PBXIP1: variants seen among roughly 807,000 people sequenced by gnomAD.
The protein encoded by PBXIP1 is pre-B-cell leukemia transcription factor-interacting protein 1.
PBXIP1 carries 73 observed loss-of-function variants against 73.7 expected under a neutral mutation model. That is an observed-to-expected ratio of 0.99 (90% CI 0.82 to 1.20). PBXIP1 has a LOEUF of 1.20. PBXIP1 is among the 50% of genes most tolerant of loss of function. The probability of loss-of-function intolerance (pLI) is 0.00; values close to 1 mark genes in which losing one functional copy is unlikely to be tolerated. For synonymous variants in PBXIP1, 330 were observed against 366.9 expected (o/e 0.90, Z 1.15); for missense variants, 818 against 911.4 (o/e 0.90, Z 1.32).
intron 2 of PBXIP1, among the ~76,000 whole-genome samples, chr1:154,952,548 C>T (rs1481436792): frequency 6.6e-6 from 1 of 152,210 alleles, no homozygotes; most frequent in Non-Finnish European, 1.5e-5. Flanking sequence ...ACTCCCCTTC[C>T]ATAGGGCCCT....
chr1:154,945,502 T>C (rs1008885420), intron 10 of PBXIP1, 70 bp downstream of exon 10: 13 of 1,468,724 alleles, frequency 8.9e-6, no homozygotes, highest in Middle Eastern at 2.0e-4. Context: ...CTCAAACTAA[T>C]GATCCTTGCT....
chr1:154,948,746 G>GTC (rs1403692051), intron 5 of PBXIP1, among the ~76,000 whole-genome samples: 1 of 151,938 alleles, frequency 6.6e-6, no homozygotes, highest in Admixed American at 6.6e-5. Context: ...AAAGTCAGTG[G>GTC]TCTCCCTGGC....
At chr1:154,953,286 G>A (rs1266725590) in intron 2 of PBXIP1, among the ~76,000 whole-genome samples, 2 of 152,128 alleles carry the variant, frequency 1.3e-5, no homozygotes, top group Non-Finnish European at 2.9e-5. Context: ...GGGGTTCCCA[G>A]GCTCTGTCCC....
Position 154,954,037 on chromosome 1 carries a change from G to A in PBXIP1, c.-36-280C>T, listed in dbSNP as rs144209682. 9.2e-3 allele frequency among the ~76,000 whole-genome samples: 1,394 copies of A among 152,320 alleles called. 14 individuals are homozygous for A. The highest frequency in any genetic ancestry group is 0.031 in the African/African-American group (1,293 of 41,566). On this transcript the variant is annotated intron_variant, in intron 1 of 10. Coordinates refer to ENST00000368463, the MANE Select transcript of PBXIP1 (RefSeq NM_020524.4). ...TGAAAGGTCAAAGTAGCATAGGCTG[G>A]AAAGGCTCTGGGGAATTCCAGTCCA...
At chr1:154,952,298 C>G (rs921464795) in intron 2 of PBXIP1, among the ~76,000 whole-genome samples, 5 of 152,200 alleles carry the variant, frequency 3.3e-5, no homozygotes, top group Non-Finnish European at 7.3e-5. Flanking sequence ...TGGGTGCCCA[C>G]GGGTCACAGT....
At position 154,951,152 on chromosome 1, in the gene PBXIP1, A is replaced by C; in HGVS notation, c.409+80T>G. 7.6e-7 allele frequency: 1 copy of C among 1,316,208 alleles called. No individual in the cohort carries two copies. The highest frequency in any genetic ancestry group is 2.3e-5 in the East Asian group (1 of 42,712). The allele number at this position is 1,316,208 out of a possible 1,614,324, so 81.5% of individuals were successfully genotyped here. A position where few individuals can be genotyped will look rare whatever the true frequency, so the allele number is the denominator to read the frequency against. On this transcript the variant is annotated intron_variant, in intron 5 of 10. Transcript: ENST00000368463. This position sits in a 1 kb window ranked among gnomAD's most constrained non-coding sequence, Gnocchi z 4.3. ...TCAGCCCTAGGGCCTGGACCACAGC[A>C]TGTGCTCAGTAGTGATGGCTGATCC...
Position 154,945,937 on chromosome 1 carries a change from C to T in PBXIP1, c.1737G>A (p.Arg579=). The change falls in exon 10 of 11, where the codon AGG becomes AGA. Residue 579 remains arginine (R), a synonymous_variant. Coordinates refer to ENST00000368463, the MANE Select transcript of PBXIP1 (RefSeq NM_020524.4). ...AGCCCTGGGGTGCCCGGTACTTGGG[C>T]CTCAACAGCTCTGCCCAGGATGGCA... ...DPLPSWAELL[R]PKYRAPQGCS... 1 of 1,614,196 alleles carries T rather than the reference C, an allele frequency of 6.2e-7. No individual in the cohort carries two copies. The highest frequency in any genetic ancestry group is 2.2e-5 in the East Asian group (1 of 44,892).
At chr1:154,948,529 T>C (rs1052607685) in intron 5 of PBXIP1, 163 bp from the exon 6 acceptor site, 4 of 589,292 alleles carry the variant, frequency 6.8e-6, no homozygotes, top group Non-Finnish European at 9.0e-6. Flanking sequence ...TGCCTGGGCA[T>C]TGATGACTGT....
Position 154,946,249 on chromosome 1 carries a change from C to T in PBXIP1, c.1425G>A (p.Lys475=), listed in dbSNP as rs1654812718. ...CTCTCTGCCCATCCCACCACTTTTCCTTTCCACTCCACTCCCTAGAATTCT... is the reference window on the plus strand; with the variant it reads ...CTCTCTGCCCATCCCACCACTTTTCTTTTCCACTCCACTCCCTAGAATTCT... ...HFQNSREWSG[K]EKWWDGQRDR... The change falls in exon 10 of 11, where the codon AAG becomes AAA. Residue 475 remains lysine, a synonymous_variant. Coordinates refer to ENST00000368463, the MANE Select transcript of PBXIP1 (RefSeq NM_020524.4). 4 of 1,614,174 alleles carry T rather than the reference C, an allele frequency of 2.5e-6. No homozygotes were observed. Among genetic ancestry groups the T allele is most frequent in the Non-Finnish European group, 3.4e-6 (4 of 1,180,026 alleles).
Position 154,948,238 on chromosome 1 carries a change from T to G in PBXIP1, c.538A>C (p.Asn180His). The change falls in exon 6 of 11, where the codon AAC (asparagine) becomes CAC (histidine). Residue 180 changes from asparagine to histidine, a missense_variant. By Grantham distance (68) the Asn-to-His change is moderately conservative. Coordinates refer to ENST00000368463, the MANE Select transcript of PBXIP1 (RefSeq NM_020524.4). ...PQPMVPLAVE[N>H]QAGGEGAGGE... ...CCTGCACCCTCACCCCCAGCCTGGT[T>G]CTCCACAGCCAGGGGCACCATGGGC... 6.2e-7 allele frequency: 1 copy of G among 1,612,568 alleles called. No individual in the cohort carries two copies. Among genetic ancestry groups the G allele is most frequent in the Non-Finnish European group, 8.5e-7 (1 of 1,179,418 alleles).
rs377678667 is a variant in PBXIP1 at position 154,946,612 on chromosome 1, G to A, written c.1062C>T (p.Leu354=). ...CACCCTGTGGGCCTCTACCCCCACT[G>A]AGGCACACCCCATCTGGGCCCCGGA... ...DCVRGPDGVC[L]SGGRGPQGDK... The change falls in exon 10 of 11, where the codon CTC becomes CTT. Residue 354 remains leucine (L), a synonymous_variant. Coordinates refer to ENST00000368463, the MANE Select transcript of PBXIP1 (RefSeq NM_020524.4). 10 of 1,612,884 alleles carry A rather than the reference G, an allele frequency of 6.2e-6. No homozygotes were observed. The highest frequency in any genetic ancestry group is 1.7e-5 in the Admixed American group (1 of 59,968).
chr1:154,947,759 C>G, intron 7 of PBXIP1, 47 bp from the exon 8 acceptor site: 1 of 1,565,156 alleles, frequency 6.4e-7, no homozygotes, highest in Non-Finnish European at 8.8e-7. Context: ...CACACAGAGC[C>G]CATTCTCCCC....
At position 154,947,654 on chromosome 1, in the gene PBXIP1, C is replaced by A. The variant is rs147800899; in HGVS notation, c.726G>T (p.Val242=). The A allele has an allele frequency of 6.2e-7, 1 of 1,614,000 alleles. No homozygotes were observed. The highest frequency in any genetic ancestry group is 1.7e-4 in the Middle Eastern group (1 of 6,060). Residue 242 remains valine, a synonymous_variant, in exon 8 of 11, where the codon GTG becomes GTT. Coordinates refer to ENST00000368463, the MANE Select transcript of PBXIP1 (RefSeq NM_020524.4). ...VLPDPEVLEA[V]GDRQDGLREQ... Reference sequence around the variant, plus strand: ...CATTCACACATACCTGCCTGTCCCCCACAGCTTCCAGCACCTCGGGGTCTG... The same window carrying A: ...CATTCACACATACCTGCCTGTCCCCAACAGCTTCCAGCACCTCGGGGTCTG...
chr1:154,946,389 A>G lies in PBXIP1; in HGVS notation c.1285T>C (p.Leu429=). ...ASRGDPAHAG[L]AELGHRLAQK... ...GCCAATCTGTGGCCCAGCTCAGCCA[A>G]GCCAGCATGAGCTGGGTCCCCGCGG... The change falls in exon 10 of 11, where the codon TTG becomes CTG. Residue 429 remains leucine, a synonymous_variant. Coordinates refer to ENST00000368463, the MANE Select transcript of PBXIP1 (RefSeq NM_020524.4). The G allele has an allele frequency of 6.2e-7, 1 of 1,612,670 alleles. No homozygotes were observed. Among genetic ancestry groups the G allele is most frequent in the Non-Finnish European group, 8.5e-7 (1 of 1,179,762 alleles).
At chr1:154,952,236 C>A (rs537842003) in intron 2 of PBXIP1, among the ~76,000 whole-genome samples, 2 of 152,176 alleles carry the variant, frequency 1.3e-5, no homozygotes, top group East Asian at 3.8e-4. Context: ...AGATGAACAA[C>A]CCAGATATTA....
Position 154,947,993 on chromosome 1 carries a change from T to G in PBXIP1, c.656A>C (p.Glu219Ala). The G allele has an allele frequency of 6.2e-7, 1 of 1,613,468 alleles. No homozygotes were observed. Among genetic ancestry groups the G allele is most frequent in the South Asian group, 1.1e-5 (1 of 91,044 alleles). ...GVLLFSGGLSESETGPMEEVE... is the reference protein window; with the variant it reads ...GVLLFSGGLSASETGPMEEVE... Reference sequence around the variant, plus strand: ...TCCTCCCTACTCACCAGTCTCAGACTCTGAGAGGCCACCTAAGGACAGAGA... The same window carrying G: ...TCCTCCCTACTCACCAGTCTCAGACGCTGAGAGGCCACCTAAGGACAGAGA... The change falls in exon 7 of 11, where the codon GAG becomes GCG. Residue 219 changes from glutamate (E) to alanine (A), a missense_variant. Glu to Ala is a moderately radical substitution (Grantham distance 107, BLOSUM62 -1). Transcript: ENST00000368463.
At chr1:154,953,507 GCCTGATCTACTTCTT>G (rs1441189376) in intron 2 of PBXIP1, among the ~76,000 whole-genome samples, 149 bp downstream of exon 2, 1 of 152,142 alleles carries the variant, frequency 6.6e-6, no homozygotes, top group Non-Finnish European at 1.5e-5. Flanking sequence ...GACCCCTGGG[GCCTGATCTACTTCTT>G]CCTGCTACTG....
At chr1:154,945,143 G>A (rs768414388) in intron 10 of PBXIP1, 26 bp from the exon 11 acceptor site, 4 of 1,553,786 alleles carry the variant, frequency 2.6e-6, no homozygotes, top group Non-Finnish European at 3.6e-6. Flanking sequence ...GGCCTTTAGG[G>A]GACAATACCA....
chr1:154,956,085 T>C lies in PBXIP1; in HGVS notation c.-53A>G, dbSNP rs1369699693. On this transcript the variant is annotated 5_prime_UTR_variant, in exon 1 of 11. Coordinates refer to ENST00000368463, the MANE Select transcript of PBXIP1 (RefSeq NM_020524.4). ...AGGCATTACCTGAACCAGCTCTTGC[T>C]TCGGTCTTCAGCTTAACTTGTTGCA... 6.6e-6 allele frequency: 1 copy of C among 152,432 alleles called. No homozygotes were observed. The highest frequency in any genetic ancestry group is 2.4e-5 in the African/African-American group (1 of 41,466). 9.4% of individuals were successfully genotyped at this position (152,432 alleles called of 1,614,324 possible). A position where few individuals can be genotyped will look rare whatever the true frequency, so the allele number is the denominator to read the frequency against.
Sources: allele counts gnomAD v4.1 joint callset (sites outside exome capture counted in the v4.1 genomes callset), GRCh38; gene constraint gnomAD v4.1.1; non-coding constraint Gnocchi (gnomAD v3.1); transcripts MANE v1.5; gene names NCBI Gene and HGNC (gene_info 2026-07-23, HGNC 2026-07-21).